C12orf75: variants seen among roughly 807,000 people sequenced by gnomAD.
C12orf75 encodes the protein overexpressed in colon carcinoma 1 protein.
A neutral mutation model predicts 11.4 loss-of-function variants in C12orf75; 4 were observed. The observed-to-expected ratio is 0.35, with a 90% CI of 0.17 to 0.80. The LOEUF (loss-of-function observed/expected upper bound fraction) is 0.80, where lower values mean the gene tolerates loss of function less well. Ranked by LOEUF, C12orf75 falls within the 30% of genes least tolerant of loss-of-function variation. The pLI is 0.52. For missense variants in C12orf75, 89 were observed against 80.4 expected (o/e 1.11, Z -0.41); for synonymous variants, 30 against 30.0 (o/e 1.00, Z 0.00).
chr12:105,360,855 A>C (rs900751298), intron 2 of C12orf75, among the ~76,000 whole-genome samples: 1 of 151,896 alleles, frequency 6.6e-6, no homozygotes, highest in Non-Finnish European at 1.5e-5. Flanking sequence ...GGCTCACTGC[A>C]ACCTCCGCCT....
chr12:105,331,683 C>T (rs1196615111), intron 1 of C12orf75, among the ~76,000 whole-genome samples: 1 of 152,112 alleles, frequency 6.6e-6, no homozygotes, highest in Non-Finnish European at 1.5e-5. Context: ...CTTCTAGCTT[C>T]CCCGGGCCAG....
At chr12:105,351,764 G>T (rs1371786028) in intron 2 of C12orf75, among the ~76,000 whole-genome samples, 4 of 152,198 alleles carry the variant, frequency 2.6e-5, no homozygotes, top group South Asian at 2.1e-4. Flanking sequence ...TGTGCCTGTG[G>T]TACAGTCTGG....
intron 1 of C12orf75, among the ~76,000 whole-genome samples, chr12:105,344,965 C>T (rs1892618732): frequency 2.6e-5 from 1 of 38,132 alleles, no homozygotes; most frequent in South Asian, 6.5e-4. Flanking sequence ...AAATTCTAAG[C>T]CCCCCCCCAA....
intron 2 of C12orf75, 46 bp downstream of exon 2, chr12:105,348,672 A>G: frequency 1.4e-6 from 2 of 1,395,060 alleles, no homozygotes; most frequent in Non-Finnish European, 2.0e-6. Flanking sequence ...TTTCTGAGGA[A>G]GTTGCTGTTT....
intron 1 of C12orf75, among the ~76,000 whole-genome samples, chr12:105,340,391 A>ATCCAG (rs1261246042): frequency 6.8e-6 from 1 of 148,070 alleles, no homozygotes; most frequent in African/African-American, 2.5e-5. Context: ...TGCCACTGCA[A>ATCCAG]TCCAGCCTGA....
At chr12:105,359,843 G>A (rs1892835966) in intron 2 of C12orf75, among the ~76,000 whole-genome samples, 1 of 150,926 alleles carries the variant, frequency 6.6e-6, no homozygotes, top group Non-Finnish European at 1.5e-5. Context: ...ATGTCCATTT[G>A]CTCCTTTTCT....
intron 5 of C12orf75, among the ~76,000 whole-genome samples, chr12:105,368,648 C>A (rs1015140032): frequency 1.3e-5 from 2 of 152,096 alleles, no homozygotes; most frequent in Admixed American, 6.5e-5. Flanking sequence ...TTGCCCAGGG[C>A]CAGTACTGGA....
rs543570762 is a variant in C12orf75, at chr12:105,333,193, T to A, written c.46+2256T>A. Among the ~76,000 whole-genome samples, 6 of 152,368 alleles carry A rather than the reference T, an allele frequency of 3.9e-5. No homozygotes were observed. The East Asian group carries it at 1.2e-3, about 29-fold the overall frequency. The stretch of plus-strand genomic sequence containing the variant: ...CCATTCCCAAACATTTGCCTGCCTG[T>A]GAGTCCACCTGGCTGACTTTGGGAT... On this transcript the variant is annotated intron_variant, in intron 1 of 5. Transcript: ENST00000443585.
intron 2 of C12orf75, among the ~76,000 whole-genome samples, chr12:105,349,233 C>T (rs1187656887): frequency 6.6e-6 from 1 of 152,170 alleles, no homozygotes; most frequent in African/African-American, 2.4e-5. Flanking sequence ...ATAGCAAGGA[C>T]ACTACAGCAG....
At chr12:105,354,419 A>G (rs1009279005) in intron 2 of C12orf75, among the ~76,000 whole-genome samples, 9 of 152,182 alleles carry the variant, frequency 5.9e-5, no homozygotes, top group Non-Finnish European at 1.0e-4. Context: ...ACCCATGATA[A>G]TCTGATGGAC....
chr12:105,333,430 A>G (rs908234214), intron 1 of C12orf75, among the ~76,000 whole-genome samples: 1 of 152,244 alleles, frequency 6.6e-6, no homozygotes, highest in Non-Finnish European at 1.5e-5. Context: ...GAAACGCGTT[A>G]AAGAGATATT....
At chr12:105,355,807 A>G (rs1005648954) in intron 2 of C12orf75, among the ~76,000 whole-genome samples, 1 of 152,184 alleles carries the variant, frequency 6.6e-6, no homozygotes, top group African/African-American at 2.4e-5. Context: ...TGATATTTTT[A>G]CAACCAATTC....
intron 1 of C12orf75, among the ~76,000 whole-genome samples, chr12:105,331,524 G>A (rs1345906499): frequency 6.6e-6 from 1 of 152,068 alleles, no homozygotes. Context: ...AGCTGCAGCA[G>A]TAAGGATGTT....
At chr12:105,349,331 C>G (rs1415922165) in intron 2 of C12orf75, among the ~76,000 whole-genome samples, 3 of 152,224 alleles carry the variant, frequency 2.0e-5, no homozygotes, top group African/African-American at 4.8e-5. Context: ...AAGACTGATT[C>G]ACCACATCTC....
chr12:105,355,899 G>A (rs967434338), intron 2 of C12orf75, among the ~76,000 whole-genome samples: 14 of 152,190 alleles, frequency 9.2e-5, no homozygotes, highest in Non-Finnish European at 1.5e-4. Flanking sequence ...GGAATTTGCA[G>A]TCTGGCTCTT....
intron 2 of C12orf75, among the ~76,000 whole-genome samples, chr12:105,365,379 G>T (rs1871442434): frequency 6.6e-6 from 1 of 152,196 alleles, no homozygotes. Context: ...AGGACTGGAA[G>T]AGACCTGAGG....
At chr12:105,362,524 G>A (rs1050358898) in intron 2 of C12orf75, among the ~76,000 whole-genome samples, 2 of 150,770 alleles carry the variant, frequency 1.3e-5, no homozygotes, top group African/African-American at 4.9e-5. Flanking sequence ...AAAATTAGCC[G>A]GGTGTGGTGG....
At chr12:105,331,882 A>G (rs76675188) in intron 1 of C12orf75, among the ~76,000 whole-genome samples, 5,949 of 152,274 alleles carry the variant, frequency 0.039, 166 homozygotes, top group Admixed American at 0.049. Context: ...TAGCCTAACC[A>G]GCAAATGCAA....
At chr12:105,334,756 A>G (rs2136139410) in intron 1 of C12orf75, among the ~76,000 whole-genome samples, 1 of 152,330 alleles carries the variant, frequency 6.6e-6, no homozygotes, top group African/African-American at 2.4e-5. Context: ...TCCCCCGAGC[A>G]TGTCTCCGGA....
Sources: gnomAD v4.1 joint callset for allele counts (sites outside exome capture counted in the v4.1 genomes callset) on GRCh38, gnomAD v4.1.1 for gene constraint, MANE v1.5 for transcripts, NCBI Gene and HGNC (gene_info 2026-07-23, HGNC 2026-07-21) for gene names.